Variants in ABCB5 observed in about 807,000 individuals in gnomAD.
ABCB5 encodes the protein ATP-binding cassette sub-family B member 5.
In ABCB5, 155 loss-of-function variants were observed where a neutral mutation model predicts 144.2. The observed-to-expected ratio is 1.08, with a 90% CI of 0.94 to 1.23. The LOEUF (loss-of-function observed/expected upper bound fraction) is 1.23. Ranked by LOEUF, ABCB5 falls within the 50% of genes most tolerant of loss-of-function variation. ABCB5 has a pLI of 0.00. For synonymous variants in ABCB5, 610 were observed against 528.6 expected, an observed-to-expected ratio of 1.15 and a Z score of -2.11; for missense variants, 1,830 against 1,520.8, an observed-to-expected ratio of 1.20 and a Z score of -3.38.
chr7:20,753,175 G>T (rs915617718), intron 26 of ABCB5, among the ~76,000 whole-genome samples, 185 bp from the exon 27 acceptor site: 13 of 152,154 alleles, frequency 8.5e-5, no homozygotes, highest in African/African-American at 3.1e-4. Context: ...TAAATGAGAT[G>T]GTAGTGTTTA....
intron 13 of ABCB5, among the ~76,000 whole-genome samples, chr7:20,653,763 C>T (rs950328922): frequency 1.3e-4 from 20 of 152,318 alleles, no homozygotes; most frequent in Admixed American, 2.6e-4. Flanking sequence ...CCTCAGGAAT[C>T]CTTGTCTGAG....
intron 16 of ABCB5, among the ~76,000 whole-genome samples, chr7:20,687,470 G>A (rs144950300): frequency 6.6e-6 from 1 of 152,312 alleles, no homozygotes; most frequent in East Asian, 1.9e-4. Context: ...ACCAGAACTA[G>A]AGCAAAAGCA....
At chr7:20,643,691 A>C in intron 7 of ABCB5, 59 bp downstream of exon 7, 1 of 1,576,234 alleles carries the variant, frequency 6.3e-7, no homozygotes, top group Non-Finnish European at 8.7e-7. Flanking sequence ...TAAATGACTC[A>C]CTGAGTTTGT....
rs774285720 is a variant in ABCB5 at position 20,645,714 on chromosome 7, T to C, written c.679-42T>C. ...ACTTAAATGTTCAGAACATTATTAC[T>C]ACACAGAGTCATTTTTTAACTGTGG... On this transcript the variant is annotated intron_variant, in intron 7 of 27. Transcript: ENST00000404938. 7 of 1,609,940 alleles carry C rather than the reference T, an allele frequency of 4.3e-6. No individual in the cohort carries two copies. In the East Asian group the frequency reaches 1.3e-4, roughly 31 times the overall value.
chr7:20,725,246 C>T (rs879842376), intron 21 of ABCB5, among the ~76,000 whole-genome samples: 2 of 152,172 alleles, frequency 1.3e-5, no homozygotes, highest in Admixed American at 6.5e-5. Context: ...TCTTCAGTTG[C>T]ATGTGTAGAT....
chr7:20,681,102 T>C (rs1409553657), intron 14 of ABCB5, among the ~76,000 whole-genome samples: 4 of 7,404 alleles, frequency 5.4e-4, no homozygotes, highest in Admixed American at 1.9e-3. Flanking sequence ...CTTTCTTTCT[T>C]TCTTTCTTTC....
chr7:20,687,288 A>G (rs1446172288), intron 16 of ABCB5, among the ~76,000 whole-genome samples: 1 of 152,252 alleles, frequency 6.6e-6, no homozygotes, highest in Non-Finnish European at 1.5e-5. Flanking sequence ...AAACCTAAGA[A>G]AGATAAAAAA....
intron 20 of ABCB5, among the ~76,000 whole-genome samples, chr7:20,711,782 T>TC (rs763835293): frequency 0.56 from 39,679 of 70,584 alleles, 13,163 homozygotes; most frequent in East Asian, 0.72. Flanking sequence ...TTCTTTCTCT[T>TC]TCTTTCTTTC....
At chr7:20,741,253 G>C (rs973750088) in intron 24 of ABCB5, among the ~76,000 whole-genome samples, 2 of 151,464 alleles carry the variant, frequency 1.3e-5, no homozygotes, top group Non-Finnish European at 2.9e-5. Context: ...ATTAAAAATC[G>C]TAAGAATAAA....
intron 20 of ABCB5, among the ~76,000 whole-genome samples, chr7:20,715,971 C>T (rs1045743579): frequency 6.6e-6 from 1 of 152,058 alleles, no homozygotes; most frequent in African/African-American, 2.4e-5. Flanking sequence ...CCTCCCACCT[C>T]GGCCTGTAAT....
intron 25 of ABCB5, among the ~76,000 whole-genome samples, chr7:20,744,117 T>TCC (rs1483087545): frequency 6.6e-6 from 1 of 152,084 alleles, no homozygotes; most frequent in Non-Finnish European, 1.5e-5. Context: ...CAGGCTGGAG[T>TCC]ACAGTGGCGT....
intron 20 of ABCB5, among the ~76,000 whole-genome samples, chr7:20,716,865 C>T (rs1449339684): frequency 6.6e-6 from 1 of 152,132 alleles, no homozygotes; most frequent in Non-Finnish European, 1.5e-5. Flanking sequence ...ACAGCTTTCC[C>T]TTAGGAATTC....
At chr7:20,740,176 G>T (rs1782518428) in intron 24 of ABCB5, among the ~76,000 whole-genome samples, 1 of 152,156 alleles carries the variant, frequency 6.6e-6, no homozygotes, top group Non-Finnish European at 1.5e-5. Context: ...GGAGGCGGAG[G>T]TTGCAGTGAG....
At position 20,645,888 on chromosome 7, in the gene ABCB5, CT is replaced by C. The variant is rs745445402; in HGVS notation, c.803+12del. ...GGAGAAAGAACTTCAAAGGTCTTTC[CT>C]TTTAAATATAACAAGATATGCTTGG... On this transcript the variant is annotated intron_variant, in intron 8 of 27. Transcript: ENST00000404938. 29 of 1,612,660 alleles carry C rather than the reference CT, an allele frequency of 1.8e-5. No individual in the cohort carries two copies. Among genetic ancestry groups the C allele is most frequent in the Non-Finnish European group, 2.0e-5 (24 of 1,179,500 alleles).
At chr7:20,731,076 C>T (rs186582002) in intron 23 of ABCB5, among the ~76,000 whole-genome samples, 3 of 151,872 alleles carry the variant, frequency 2.0e-5, no homozygotes, top group Admixed American at 1.3e-4. Flanking sequence ...ATAAGAAGGC[C>T]AGGCACGGTG....
At chr7:20,753,209 A>T in intron 26 of ABCB5, 151 bp from the exon 27 acceptor site, 2 of 938,596 alleles carry the variant, frequency 2.1e-6, no homozygotes, top group Non-Finnish European at 3.1e-6. Flanking sequence ...ATTTATTTGC[A>T]ACAAAGCCCA....
chr7:20,657,308 A>G (rs1358519137), intron 13 of ABCB5, among the ~76,000 whole-genome samples: 3 of 145,904 alleles, frequency 2.1e-5, no homozygotes, highest in East Asian at 4.0e-4. Flanking sequence ...TGCATAAAAC[A>G]TACTTATACT....
At chr7:20,649,615 T>C (rs1312399042) in intron 11 of ABCB5, among the ~76,000 whole-genome samples, 1 of 152,224 alleles carries the variant, frequency 6.6e-6, no homozygotes, top group Non-Finnish European at 1.5e-5. Context: ...TAGAATATGC[T>C]TTGCAATTAT....
At chr7:20,679,964 A>C (rs1440744968) in intron 14 of ABCB5, among the ~76,000 whole-genome samples, 3 of 152,224 alleles carry the variant, frequency 2.0e-5, no homozygotes, top group Non-Finnish European at 2.9e-5. Flanking sequence ...ATTTACAGCA[A>C]CCTATAAATA....
Sources: gnomAD v4.1 joint callset for allele counts (sites outside exome capture counted in the v4.1 genomes callset) on GRCh38, gnomAD v4.1.1 for gene constraint, MANE v1.5 for transcripts, NCBI Gene and HGNC (gene_info 2026-07-23, HGNC 2026-07-21) for gene names.